The following DHX37 variants were observed in gnomAD, a reference collection of about 807,000 sequenced individuals.
DHX37 encodes the protein probable ATP-dependent RNA helicase DHX37.
A neutral mutation model predicts 134.3 loss-of-function variants in DHX37; 52 were observed. The ratio of observed to expected loss-of-function variants is 0.39; its 90% CI spans 0.31 to 0.49. The LOEUF (loss-of-function observed/expected upper bound fraction) is 0.49. DHX37 is among the 20% of genes least tolerant of loss of function. DHX37 has a pLI of 0.93. For synonymous variants in DHX37, 634 were observed against 670.7 expected, an observed-to-expected ratio of 0.95 and a Z score of 0.85; for missense variants, 1,344 against 1,580.8, an observed-to-expected ratio of 0.85 and a Z score of 2.54.
chr12:124,967,180 G>A lies in DHX37; in HGVS notation c.1447C>T (p.His483Tyr), dbSNP rs1363194643. Residue 483 changes from histidine (H) to tyrosine (Y), a missense_variant, in exon 11 of 27, where the codon CAT (histidine) becomes TAT (tyrosine). Physicochemically the swap from His to Tyr is moderately conservative, Grantham distance 83 (BLOSUM62 2). Around this residue, in one of 7 missense-constraint regions of DHX37, gnomAD observed 289 missense variants for 323.8 expected, o/e 0.89. Transcript: ENST00000308736. Reference sequence around the variant, plus strand: ...TTCCTGAGCCTGCGGCACAGCGCATGCACCTCAGCCTGCCCCGTCAGGAAC... The same window carrying A: ...TTCCTGAGCCTGCGGCACAGCGCATACACCTCAGCCTGCCCCGTCAGGAAC... ...LVFLTGQAEV[H>Y]ALCRRLRKAF... The A allele has an allele frequency of 1.2e-6, 2 of 1,613,874 alleles. No individual in the cohort carries two copies.
chr12:124,966,988 G>A, intron 11 of DHX37, 110 bp from the exon 12 acceptor site: 1 of 1,527,878 alleles, frequency 6.5e-7, no homozygotes, highest in South Asian at 1.1e-5. Context: ...ATTTATTCGG[G>A]GGTGAGGTGG....
chr12:124,985,814 A>C (rs1021318026), intron 2 of DHX37, among the ~76,000 whole-genome samples: 1 of 151,224 alleles, frequency 6.6e-6, no homozygotes, highest in Non-Finnish European at 1.5e-5. Context: ...AGAAAAAAAA[A>C]TTAAATTTAA....
chr12:124,969,919 GA>G (rs58228552), intron 8 of DHX37, among the ~76,000 whole-genome samples: 140,090 of 148,698 alleles, frequency 0.94, 66,107 homozygotes, highest in South Asian at 0.99. Context: ...ACCCTGCCTC[GA>G]AAAAAAAAAA....
chr12:124,966,721 A>G (rs1020630427), intron 12 of DHX37, 72 bp downstream of exon 12: 119 of 1,481,152 alleles, frequency 8.0e-5, no homozygotes, highest in Non-Finnish European at 1.1e-4. Context: ...AAGCAGCCAC[A>G]TGGGGCTGGT....
intron 8 of DHX37, among the ~76,000 whole-genome samples, chr12:124,969,927 A>G (rs1954479988): frequency 6.6e-6 from 1 of 152,018 alleles, no homozygotes; most frequent in Admixed American, 6.6e-5. Flanking sequence ...TCGAAAAAAA[A>G]AAACAAAAAC....
At chr12:124,986,291 C>T in intron 1 of DHX37, 26 bp from the exon 2 acceptor site, 1 of 1,609,840 alleles carries the variant, frequency 6.2e-7, no homozygotes, top group Non-Finnish European at 8.5e-7. Flanking sequence ...TATTAAGTCC[C>T]CATTCTCCTT....
intron 7 of DHX37, among the ~76,000 whole-genome samples, chr12:124,972,277 A>G (rs1462113207): frequency 6.6e-6 from 1 of 152,220 alleles, no homozygotes; most frequent in East Asian, 1.9e-4. Flanking sequence ...GTCAGCATGC[A>G]CTCTACAACT....
intron 8 of DHX37, among the ~76,000 whole-genome samples, chr12:124,969,254 C>G (rs556229694): frequency 1.4e-4 from 22 of 152,234 alleles, no homozygotes; most frequent in African/African-American, 5.3e-4. Context: ...CCACCTGACA[C>G]CAAGATTGAC....
Position 124,952,519 on chromosome 12 carries a change from G to A in DHX37, c.2747C>T (p.Pro916Leu), listed in dbSNP as rs202185570. 9.4e-6 allele frequency: 15 copies of A among 1,593,904 alleles called. No homozygotes were observed. The highest frequency in any genetic ancestry group is 5.1e-5 in the Admixed American group (3 of 58,296). ...AELFVDPKMQ[P>L]PTESQVTYLR... ...GTAGGTCACCTGGCTCTCGGTGGGC[G>A]GCTGCATCTTGGGATCCACGAAGAG... is the stretch of plus-strand genomic sequence containing the variant. Residue 916 changes from proline (P) to leucine (L), a missense_variant, in exon 21 of 27, where the codon CCG becomes CTG. Pro to Leu is a moderately conservative substitution (Grantham distance 98). Around this residue, in one of 7 missense-constraint regions of DHX37, gnomAD observed 558 missense variants for 650.0 expected, o/e 0.86. Transcript: ENST00000308736.
chr12:124,979,349 A>G (rs891464265), intron 4 of DHX37, among the ~76,000 whole-genome samples: 3 of 152,198 alleles, frequency 2.0e-5, no homozygotes, highest in African/African-American at 7.2e-5. Context: ...AGCCTGGGTG[A>G]CAGAGTGAGA....
Position 124,980,431 on chromosome 12 carries a change from C to A in DHX37, c.738+59G>T. The A allele has an allele frequency of 6.4e-7, 1 of 1,564,616 alleles. No individual in the cohort carries two copies. Among genetic ancestry groups the A allele is most frequent in the South Asian group, 1.2e-5 (1 of 86,282 alleles). On this transcript the variant is annotated intron_variant, in intron 4 of 26. Coordinates refer to ENST00000308736, the MANE Select transcript of DHX37 (RefSeq NM_032656.4). This position sits in a 1 kb window ranked among gnomAD's most constrained non-coding sequence, Gnocchi z 5.3. ...CCTTGCCCCACTTCACCAGGACGCCCTCTGTGCGCCCCTTGCCCGCTAACC... is the reference window on the plus strand; with the variant it reads ...CCTTGCCCCACTTCACCAGGACGCCATCTGTGCGCCCCTTGCCCGCTAACC...
At chr12:124,965,591 G>T in intron 13 of DHX37, 77 bp downstream of exon 13, 2 of 1,466,540 alleles carry the variant, frequency 1.4e-6, no homozygotes, top group Non-Finnish European at 9.0e-7. Context: ...CGGCCCCCGG[G>T]GGGCCCACAA....
At chr12:124,975,271 A>T (rs7300408) in intron 6 of DHX37, 148 bp downstream of exon 6, 2 of 804,272 alleles carry the variant, frequency 2.5e-6, no homozygotes, top group African/African-American at 3.4e-5. Flanking sequence ...AAGTTCTCTC[A>T]CACAATGATT....
chr12:124,953,872 G>T lies in DHX37; in HGVS notation c.2695+8C>A. 6.2e-7 allele frequency: 1 copy of T among 1,610,174 alleles called. No individual in the cohort carries two copies. The highest frequency in any genetic ancestry group is 8.5e-7 in the Non-Finnish European group (1 of 1,178,560). On this transcript the variant is annotated splice_region_variant and intron_variant, in intron 20 of 26. Transcript: ENST00000308736. ...CGGGTGCAGCGGCGTGCCGGCACGG[G>T]GCCGTACCTGCGGTGGTCAGCTGGC...
At chr12:124,954,976 T>G (rs564954699) in intron 18 of DHX37, among the ~76,000 whole-genome samples, 5 of 152,312 alleles carry the variant, frequency 3.3e-5, no homozygotes, top group African/African-American at 1.2e-4. Flanking sequence ...CAGCTCAGAA[T>G]GGCAGAGAGA....
intron 11 of DHX37, 51 bp from the exon 12 acceptor site, chr12:124,966,929 C>A: frequency 6.2e-7 from 1 of 1,609,004 alleles, no homozygotes; most frequent in Non-Finnish European, 8.5e-7. Context: ...GGCGTGGTCG[C>A]CAGCACACTG....
At chr12:124,984,609 C>A (rs1167038616) in intron 2 of DHX37, among the ~76,000 whole-genome samples, 3 of 150,626 alleles carry the variant, frequency 2.0e-5, no homozygotes, top group African/African-American at 7.4e-5. Flanking sequence ...AAATAAACTA[C>A]AATGGGAAAA....
Position 124,968,926 on chromosome 12 carries a change from G to T in DHX37, c.1234C>A (p.Arg412=). 7 of 1,614,080 alleles carry T rather than the reference G, an allele frequency of 4.3e-6. No homozygotes were observed. The highest frequency in any genetic ancestry group is 1.1e-5 in the South Asian group (1 of 91,068). ...GGGTTCTGGGTGAAGTCCTCCACCC[G>T]CAGCGTGGCCGACATGATGAGCAGC... The part of the protein sequence containing the change: ...LKLLIMSATL[R]VEDFTQNPRL... Residue 412 remains arginine (R), a synonymous_variant, in exon 9 of 27, where the codon CGG becomes AGG. Coordinates refer to ENST00000308736, the MANE Select transcript of DHX37 (RefSeq NM_032656.4).
Position 124,986,231 on chromosome 12 carries a change from G to A in DHX37, c.141C>T (p.Asn47=), listed in dbSNP as rs140204923. 452 of 1,614,032 alleles carry A rather than the reference G, an allele frequency of 2.8e-4. No individual in the cohort carries two copies. The highest frequency in any genetic ancestry group is 7.7e-4 in the African/African-American group (58 of 74,994). The change falls in exon 2 of 27, where the codon AAC becomes AAT. Residue 47 remains asparagine, a synonymous_variant. Transcript: ENST00000308736. ...TCTTCTTCCCCGGTAGAACGAGCGC[G>A]TTGCTTGCATCAACTCCCTTCAACG... The part of the protein sequence containing the change: ...KDTLKGVDAS[N]ALVLPGKKKK...
Sources: gnomAD v4.1 joint callset for allele counts (sites outside exome capture counted in the v4.1 genomes callset) on GRCh38, gnomAD v4.1.1 for gene constraint, gnomAD v4.1.1 regional missense constraint, Gnocchi (gnomAD v3.1) non-coding constraint, MANE v1.5 for transcripts, NCBI Gene and HGNC (gene_info 2026-07-23, HGNC 2026-07-21) for gene names.